KANSL3: variants seen among roughly 807,000 people sequenced by gnomAD.
KANSL3 encodes the protein KAT8 regulatory NSL complex subunit 3.
KANSL3 carries 16 observed loss-of-function variants against 89.2 expected under a neutral mutation model. The ratio of observed to expected loss-of-function variants is 0.18; its 90% CI spans 0.12 to 0.27. The LOEUF (loss-of-function observed/expected upper bound fraction) is 0.27, where lower values mean the gene tolerates loss of function less well. Ranked by LOEUF, KANSL3 falls within the 10% of genes least tolerant of loss-of-function variation. The probability of loss-of-function intolerance (pLI) is 1.00; values close to 1 mark genes in which losing one functional copy is unlikely to be tolerated. For synonymous variants in KANSL3, 385 were observed against 419.7 expected, an observed-to-expected ratio of 0.92 and a Z score of 1.01; for missense variants, 879 against 1,110.6, an observed-to-expected ratio of 0.79 and a Z score of 2.96.
intron 2 of KANSL3, among the ~76,000 whole-genome samples, chr2:96,636,416 A>C (rs2074251400): frequency 6.6e-6 from 1 of 152,228 alleles, no homozygotes; most frequent in Admixed American, 6.5e-5. Context: ...AGATTAACCT[A>C]TGGATAGCAG....
intron 5 of KANSL3, among the ~76,000 whole-genome samples, chr2:96,614,005 A>T (rs1475843192): frequency 6.6e-6 from 1 of 152,216 alleles, no homozygotes; most frequent in East Asian, 1.9e-4. Flanking sequence ...AGTAAAAACA[A>T]TTTAATATAT....
intron 3 of KANSL3, chr2:96,627,958 G>A: frequency 7.8e-7 from 1 of 1,289,916 alleles, no homozygotes; most frequent in Non-Finnish European, 1.0e-6. Context: ...GCCAATGAGA[G>A]AAGGCCTCCA....
At chr2:96,637,362 A>T (rs2074389124) in intron 1 of KANSL3, 177 bp from the exon 2 acceptor site, 2 of 501,560 alleles carry the variant, frequency 4.0e-6, no homozygotes, top group Non-Finnish European at 7.0e-6. Context: ...AAAAAAAGAA[A>T]AAAAAAACTA....
intron 5 of KANSL3, among the ~76,000 whole-genome samples, chr2:96,614,678 C>T (rs1251919617): frequency 3.3e-5 from 5 of 150,420 alleles, no homozygotes; most frequent in African/African-American, 9.8e-5. Context: ...AGCTGAGGTC[C>T]GAGAATCACC....
chr2:96,607,557 T>C (rs1206231355), intron 14 of KANSL3, among the ~76,000 whole-genome samples: 1 of 152,188 alleles, frequency 6.6e-6, no homozygotes, highest in African/African-American at 2.4e-5. Context: ...TGGCCACCAC[T>C]CATGAAGATC....
At chr2:96,634,827 G>A (rs1380918288) in intron 2 of KANSL3, among the ~76,000 whole-genome samples, 2 of 152,168 alleles carry the variant, frequency 1.3e-5, no homozygotes, top group African/African-American at 4.8e-5. Context: ...AGCTAAAAGA[G>A]AACTCTTGAT....
chr2:96,608,741 T>C, intron 13 of KANSL3, 77 bp from the exon 14 acceptor site: 1 of 1,592,860 alleles, frequency 6.3e-7, no homozygotes, highest in Non-Finnish European at 8.6e-7. Flanking sequence ...CCCTCTGGAA[T>C]TCCCCTTGTA....
chr2:96,601,379 C>G (rs1171425525), intron 20 of KANSL3: 2 of 985,182 alleles, frequency 2.0e-6, no homozygotes, highest in East Asian at 2.3e-4. Flanking sequence ...GAAAAGTAAA[C>G]AAAAACATTA....
the KANSL3 span, among the ~76,000 whole-genome samples, chr2:96,584,119 A>G: frequency 2.0e-5 from 3 of 152,196 alleles, no homozygotes; most frequent in Non-Finnish European, 4.4e-5. Flanking sequence ...GGTCAAATAC[A>G]TATTACAAAC....
At chr2:96,589,901 C>A (rs1047572157), downstream of KANSL3, among the ~76,000 whole-genome samples, 1 of 151,958 alleles carries the variant, frequency 6.6e-6, no homozygotes, top group East Asian at 1.9e-4. Flanking sequence ...GTAATCCCAG[C>A]ACTTTGGGAG....
downstream of KANSL3, among the ~76,000 whole-genome samples, chr2:96,588,552 A>C (rs2066256024): frequency 6.6e-6 from 1 of 152,164 alleles, no homozygotes; most frequent in Non-Finnish European, 1.5e-5. Context: ...GAACAATGGA[A>C]AGAGCAAAAA....
In KANSL3 at chr2:96,601,783, TAA is replaced by T. The variant is rs1387395497; in HGVS notation, c.2483-9_2483-8del. ...GTGGTGGGGACCTTCAAGCCTGAGA[TAA>T]AGAGAGAGAAGCAGAATTTTTGAGT... On this transcript the variant is annotated splice_polypyrimidine_tract_variant and splice_region_variant and intron_variant, in intron 19 of 20. Coordinates refer to ENST00000431828, the MANE Select transcript of KANSL3 (RefSeq NM_001115016.3). The T allele has an allele frequency of 3.9e-6, 6 of 1,549,096 alleles. No individual in the cohort carries two copies. The highest frequency in any genetic ancestry group is 4.3e-6 in the Non-Finnish European group (5 of 1,149,836).
chr2:96,616,830 C>T (rs1383852677), intron 5 of KANSL3, among the ~76,000 whole-genome samples: 1 of 152,130 alleles, frequency 6.6e-6, no homozygotes, highest in Non-Finnish European at 1.5e-5. Context: ...TATGGAGTCC[C>T]CCCAGTGGTC....
At position 96,605,403 on chromosome 2, in the gene KANSL3, C is replaced by A. The variant is rs370312220; in HGVS notation, c.1850G>T (p.Arg617Leu). ...SPLPGSKTSK[R>L]PKIKVSLISQ... is the part of the protein sequence containing the mutation. ...GATAAGGGACACCTTGATCTTCGGT[C>A]GTTTGGAGGTCTTACTGCCAGGAAG... Residue 617 changes from arginine (R) to leucine (L), a missense_variant, in exon 15 of 21, where the codon CGA becomes CTA. Transcript: ENST00000431828. 88 of 1,613,786 alleles carry A rather than the reference C, an allele frequency of 5.5e-5. No homozygotes were observed. Among genetic ancestry groups the A allele is most frequent in the Non-Finnish European group, 7.3e-5 (86 of 1,179,882 alleles).
At chr2:96,631,841 G>A (rs2073442448) in intron 2 of KANSL3, among the ~76,000 whole-genome samples, 1 of 152,004 alleles carries the variant, frequency 6.6e-6, no homozygotes, top group South Asian at 2.1e-4. Context: ...GAACTCAGGA[G>A]TTCAAGACCA....
At chr2:96,604,164 C>A in intron 17 of KANSL3, 86 bp downstream of exon 17, 1 of 1,449,942 alleles carries the variant, frequency 6.9e-7, no homozygotes, top group South Asian at 1.4e-5. Flanking sequence ...ATGGATTTAG[C>A]TCCAGGGATG....
At chr2:96,624,424 C>T (rs1158250175) in intron 3 of KANSL3, among the ~76,000 whole-genome samples, 1 of 152,154 alleles carries the variant, frequency 6.6e-6, no homozygotes, top group Non-Finnish European at 1.5e-5. Context: ...TATTTGTGGA[C>T]ATTTAGGTTG....
intron 5 of KANSL3, among the ~76,000 whole-genome samples, chr2:96,618,334 C>T (rs895828746): frequency 1.3e-5 from 2 of 152,108 alleles, no homozygotes; most frequent in Admixed American, 6.6e-5. Flanking sequence ...GGACTACAGA[C>T]GTGTGCCACC....
At chr2:96,625,027 T>A (rs1011300366) in intron 3 of KANSL3, among the ~76,000 whole-genome samples, 1 of 152,024 alleles carries the variant, frequency 6.6e-6, no homozygotes, top group South Asian at 2.1e-4. Context: ...GTGGCTAACA[T>A]GGCGAAACCC....
Sources: allele counts gnomAD v4.1 joint callset (sites outside exome capture counted in the v4.1 genomes callset), GRCh38; gene constraint gnomAD v4.1.1; transcripts MANE v1.5; gene names NCBI Gene and HGNC (gene_info 2026-07-23, HGNC 2026-07-21).